Variants in SH3BP5 observed in about 807,000 individuals in gnomAD.
The protein encoded by SH3BP5 is SH3 domain binding protein 5, also known as SH3 domain-binding protein 5.
Under a neutral mutation model 43.3 loss-of-function variants are expected in SH3BP5, and 22 were observed. That is an observed-to-expected ratio of 0.51 (90% CI 0.36 to 0.73). The LOEUF (loss-of-function observed/expected upper bound fraction) is 0.73, where lower values mean the gene tolerates loss of function less well. Among genes scored for constraint, SH3BP5 ranks in the 30% least tolerant of loss-of-function variants. SH3BP5 has a pLI of 0.00. For missense variants in SH3BP5, 529 were observed against 586.9 expected, an observed-to-expected ratio of 0.90 and a Z score of 1.02; for synonymous variants, 255 against 225.8, an observed-to-expected ratio of 1.13 and a Z score of -1.16.
At chr3:15,321,669 G>A (rs1698329508) in intron 2 of SH3BP5, among the ~76,000 whole-genome samples, 1 of 151,804 alleles carries the variant, frequency 6.6e-6, no homozygotes, top group African/African-American at 2.4e-5. Context: ...AACATCTGAG[G>A]GTACATTTTT....
Position 15,256,973 on chromosome 3 carries a change from G to C in SH3BP5, c.1030C>G (p.Pro344Ala). Residue 344 changes from proline (P) to alanine (A), a missense_variant, in exon 8 of 9, where the codon CCT becomes GCT. Physicochemically the swap from Pro to Ala is conservative, Grantham distance 27. Transcript: ENST00000383791. Reference sequence around the variant, plus strand: ...GGGCTGGGCAGATCCAGGCTGCCAGGCCTCACAACCGCAGGGAACTGGTCA... The same window carrying C: ...GGGCTGGGCAGATCCAGGCTGCCAGCCCTCACAACCGCAGGGAACTGGTCA... Reference protein sequence around the residue: ...MPDQFPAVVRPGSLDLPSPVS... With the variant: ...MPDQFPAVVRAGSLDLPSPVS... The C allele has an allele frequency of 6.2e-7, 1 of 1,614,206 alleles. No homozygotes were observed. The highest frequency in any genetic ancestry group is 8.5e-7 in the Non-Finnish European group (1 of 1,180,036).
intron 2 of SH3BP5, among the ~76,000 whole-genome samples, chr3:15,318,732 C>T (rs957229657): frequency 1.3e-5 from 2 of 152,120 alleles, no homozygotes; most frequent in African/African-American, 4.8e-5. Flanking sequence ...CTGGTTACTA[C>T]TTTTTCTTTT....
chr3:15,335,480 G>A (rs1698690270), upstream of SH3BP5, among the ~76,000 whole-genome samples: 2 of 152,140 alleles, frequency 1.3e-5, no homozygotes, highest in Admixed American at 1.3e-4. Context: ...TGGAGGCTGA[G>A]GTAGATCACT....
chr3:15,299,632 A>C (rs1253338960), intron 3 of SH3BP5, among the ~76,000 whole-genome samples: 2 of 151,886 alleles, frequency 1.3e-5, no homozygotes, highest in Non-Finnish European at 2.9e-5. Flanking sequence ...GGCTAGGACC[A>C]CAGGCACATA....
At chr3:15,334,859 G>A (rs1020907225), upstream of SH3BP5, among the ~76,000 whole-genome samples, 4 of 152,148 alleles carry the variant, frequency 2.6e-5, no homozygotes, top group African/African-American at 9.7e-5. Context: ...GGCTGAGATG[G>A]GAAGATTGCT....
At chr3:15,333,991 C>T (rs1229328778), upstream of SH3BP5, among the ~76,000 whole-genome samples, 1 of 152,156 alleles carries the variant, frequency 6.6e-6, no homozygotes, top group Admixed American at 6.5e-5. Flanking sequence ...TGGAATTGAG[C>T]CTCCAACTTT....
chr3:15,264,647 G>GC (rs1379991227), intron 4 of SH3BP5, among the ~76,000 whole-genome samples: 1 of 152,188 alleles, frequency 6.6e-6, no homozygotes, highest in Non-Finnish European at 1.5e-5. Flanking sequence ...GAGGAGACAT[G>GC]CTTGCTCACA....
At chr3:15,306,523 A>G (rs1159927318) in intron 2 of SH3BP5, among the ~76,000 whole-genome samples, 1 of 149,690 alleles carries the variant, frequency 6.7e-6, no homozygotes, top group Admixed American at 6.7e-5. Context: ...AAAACAAAAG[A>G]AAAGAAAAGA....
In SH3BP5 at chr3:15,254,877, C is replaced by CTTAG. The variant is rs1207460330; in HGVS notation, c.*1205_*1208dup. 2.0e-5 allele frequency: 3 copies of CTTAG among 152,128 alleles called. No homozygotes were observed. The highest frequency in any genetic ancestry group is 7.2e-5 in the African/African-American group (3 of 41,392). The allele number at this position is 152,128 out of a possible 1,614,324, so 9.4% of individuals were successfully genotyped here. A position where few individuals can be genotyped will look rare whatever the true frequency, so the allele number is the denominator to read the frequency against. ...CTTTTCTCAAGCCGTTTTTATTACA[C>CTTAG]TTAGTGTATTAAGACAAGTACAAAA... On this transcript the variant is annotated 3_prime_UTR_variant, in exon 9 of 9. Transcript: ENST00000383791.
intron 3 of SH3BP5, chr3:15,276,150 G>A (rs562892212): frequency 1.3e-5 from 2 of 152,298 alleles, no homozygotes; most frequent in African/African-American, 4.8e-5. Flanking sequence ...GGCAAAGGAG[G>A]TGGCGGGTAG....
intron 1 of SH3BP5, among the ~76,000 whole-genome samples, chr3:15,331,269 A>AT (rs558521039): frequency 1.8e-4 from 28 of 152,224 alleles, no homozygotes; most frequent in East Asian, 7.7e-4. Context: ...TAATGCAAGG[A>AT]TTTTTTTTCC....
At chr3:15,332,198 C>CG in intron 1 of SH3BP5, 73 bp downstream of exon 1, 1 of 1,540,698 alleles carries the variant, frequency 6.5e-7, no homozygotes, top group African/African-American at 1.4e-5. Flanking sequence ...TGCGAAGTGG[C>CG]TGTACGCGTA....
chr3:15,300,796 C>T (rs1163717443), intron 3 of SH3BP5, among the ~76,000 whole-genome samples: 1 of 152,096 alleles, frequency 6.6e-6, no homozygotes, highest in Non-Finnish European at 1.5e-5. Context: ...TTCCTGCCCA[C>T]CTGCAAGAAG....
At chr3:15,334,420 A>T (rs555238768), upstream of SH3BP5, among the ~76,000 whole-genome samples, 4 of 152,232 alleles carry the variant, frequency 2.6e-5, no homozygotes, top group African/African-American at 9.6e-5. Flanking sequence ...CACAACAATT[A>T]AAAAAATGCA....
intron 3 of SH3BP5, among the ~76,000 whole-genome samples, chr3:15,274,732 G>T (rs1465445403): frequency 6.6e-6 from 1 of 152,194 alleles, no homozygotes; most frequent in African/African-American, 2.4e-5. Flanking sequence ...TTTTAGTAGA[G>T]ACAGGGTTTC....
In SH3BP5 at chr3:15,287,413, G is replaced by A. The variant is rs560944096; in HGVS notation, c.330+16690C>T. Among the ~76,000 whole-genome samples the A allele has an allele frequency of 2.0e-5, 3 of 152,262 alleles. No homozygotes were observed. The South Asian group carries it at 6.2e-4, about 32-fold the overall frequency. On this transcript the variant is annotated intron_variant, in intron 3 of 8. Coordinates refer to ENST00000383791, the MANE Select transcript of SH3BP5 (RefSeq NM_004844.5). The stretch of plus-strand genomic sequence containing the variant: ...GAGCGGGGCTAAAGGAAGGGTTCAT[G>A]AAAGTTACATTGACTTGTGCCTTCA...
chr3:15,321,622 AAATCACCAGC>A (rs968971894), intron 2 of SH3BP5, among the ~76,000 whole-genome samples: 1 of 138,210 alleles, frequency 7.2e-6, no homozygotes, highest in Non-Finnish European at 1.5e-5. Flanking sequence ...TGAAAACTAA[AAATCACCAGC>A]ATCCTCAGCA....
At chr3:15,310,519 G>C (rs1416180512) in intron 2 of SH3BP5, among the ~76,000 whole-genome samples, 1 of 152,134 alleles carries the variant, frequency 6.6e-6, no homozygotes, top group Non-Finnish European at 1.5e-5. Context: ...GGTGGCTTCA[G>C]GAATGTCCAG....
intron 2 of SH3BP5, among the ~76,000 whole-genome samples, chr3:15,308,645 A>G (rs1477057573): frequency 1.3e-5 from 2 of 152,228 alleles, no homozygotes; most frequent in Admixed American, 1.3e-4. Context: ...AGGCATCTGA[A>G]CTCAATCCCA....
Sources: gnomAD v4.1 joint callset for allele counts (sites outside exome capture counted in the v4.1 genomes callset) on GRCh38, gnomAD v4.1.1 for gene constraint, MANE v1.5 for transcripts, NCBI Gene and HGNC (gene_info 2026-07-23, HGNC 2026-07-21) for gene names.